C12orf42: variants seen among roughly 807,000 people sequenced by gnomAD.
The protein encoded by C12orf42 is uncharacterized protein C12orf42.
A neutral mutation model predicts 21.6 loss-of-function variants in C12orf42; 25 were observed. The ratio of observed to expected loss-of-function variants is 1.16; its 90% confidence interval spans 0.84 to 1.62. C12orf42 has a LOEUF of 1.62. C12orf42 is among the 40% of genes most tolerant of loss of function. C12orf42 has a pLI of 0.00. For synonymous variants in C12orf42, 174 were observed against 175.0 expected (o/e 0.99, Z 0.05); for missense variants, 483 against 459.3 (o/e 1.05, Z -0.47).
intron 3 of C12orf42, among the ~76,000 whole-genome samples, chr12:103,399,165 A>G (rs1225565250): frequency 6.6e-6 from 1 of 151,766 alleles, no homozygotes; most frequent in Non-Finnish European, 1.5e-5. Flanking sequence ...AATAATTTGG[A>G]GATAATTTTA....
chr12:103,339,759 T>TC (rs1465390294), intron 4 of C12orf42, among the ~76,000 whole-genome samples: 15 of 152,334 alleles, frequency 9.8e-5, no homozygotes, highest in African/African-American at 3.6e-4. Context: ...GAAAATCAAA[T>TC]ACACTTTTGT....
At chr12:103,053,441 T>G in the C12orf42 span, among the ~76,000 whole-genome samples, 1 of 151,978 alleles carries the variant, frequency 6.6e-6, no homozygotes, top group South Asian at 2.1e-4. Context: ...ATTTTAAAAC[T>G]GGATTGTTTT....
intron 4 of C12orf42, among the ~76,000 whole-genome samples, chr12:103,330,131 T>A (rs2137036031): frequency 6.6e-6 from 1 of 152,284 alleles, no homozygotes; most frequent in Middle Eastern, 3.4e-3. Flanking sequence ...TTTTATAATA[T>A]CTTTCTTCAC....
intron 4 of C12orf42, among the ~76,000 whole-genome samples, chr12:103,338,090 G>T (rs1179982797): frequency 6.6e-6 from 1 of 152,136 alleles, no homozygotes; most frequent in Non-Finnish European, 1.5e-5. Context: ...TGGGAAATAG[G>T]TTTCCAATAT....
chr12:103,528,578 CA>C, the C12orf42 span, among the ~76,000 whole-genome samples: 21 of 152,154 alleles, frequency 1.4e-4, no homozygotes, highest in Admixed American at 1.4e-3. Context: ...AGCCAGGCAG[CA>C]ACCCCTCCTC....
At chr12:103,356,237 C>T (rs2137574648) in intron 4 of C12orf42, among the ~76,000 whole-genome samples, 1 of 152,208 alleles carries the variant, frequency 6.6e-6, no homozygotes, top group African/African-American at 2.4e-5. Flanking sequence ...TGCTTATCAC[C>T]TCCTGATGAC....
chr12:103,245,759 C>T (rs1309235798), intron 10 of C12orf42, among the ~76,000 whole-genome samples: 1 of 152,050 alleles, frequency 6.6e-6, no homozygotes, highest in Non-Finnish European at 1.5e-5. Flanking sequence ...CATTACTTTG[C>T]CCCAAATCAG....
chr12:103,229,015 T>C, the C12orf42 span, among the ~76,000 whole-genome samples: 2 of 152,170 alleles, frequency 1.3e-5, no homozygotes, highest in Non-Finnish European at 1.5e-5. Context: ...GATTTCTTTA[T>C]TCAGTCATTC....
At chr12:103,135,821 A>C in the C12orf42 span, among the ~76,000 whole-genome samples, 1 of 152,248 alleles carries the variant, frequency 6.6e-6, no homozygotes, top group African/African-American at 2.4e-5. Context: ...TGGTTATTGC[A>C]ACAGACACAG....
At chr12:103,403,763 C>A (rs1407074968) in intron 2 of C12orf42, among the ~76,000 whole-genome samples, 1 of 152,220 alleles carries the variant, frequency 6.6e-6, no homozygotes, top group Non-Finnish European at 1.5e-5. Context: ...GGACTTCCTG[C>A]CACTCACTCG....
intron 3 of C12orf42, among the ~76,000 whole-genome samples, chr12:103,377,009 C>T (rs951939218): frequency 2.6e-5 from 4 of 151,836 alleles, no homozygotes; most frequent in Non-Finnish European, 4.4e-5. Context: ...TTATGCTGCT[C>T]TTTTTAAAAA....
chr12:103,499,583 C>A (rs1477156700), upstream of C12orf42, among the ~76,000 whole-genome samples: 2 of 152,140 alleles, frequency 1.3e-5, no homozygotes, highest in Non-Finnish European at 2.9e-5. Flanking sequence ...CACTACCATG[C>A]CAAGAATGTG....
chr12:103,224,137 T>A, the C12orf42 span, among the ~76,000 whole-genome samples: 1 of 152,178 alleles, frequency 6.6e-6, no homozygotes, highest in Non-Finnish European at 1.5e-5. Context: ...AGTGAAAGTA[T>A]CTACCTAGAC....
At chr12:103,211,159 ACACCCTCTATTT>A in the C12orf42 span, among the ~76,000 whole-genome samples, 790 of 152,198 alleles carry the variant, frequency 5.2e-3, 2 homozygotes, top group African/African-American at 0.018. Context: ...ATATCCTACA[ACACCCTCTATTT>A]CTAACAGAAG....
chr12:103,257,643 C>G (rs190672022), intron 10 of C12orf42, among the ~76,000 whole-genome samples: 1 of 151,694 alleles, frequency 6.6e-6, no homozygotes, highest in Non-Finnish European at 1.5e-5. Flanking sequence ...TTAAGGGAAA[C>G]AGAAGGCAGA....
chr12:103,383,999 C>G (rs1273480352), intron 3 of C12orf42, among the ~76,000 whole-genome samples: 1 of 152,140 alleles, frequency 6.6e-6, no homozygotes, highest in Non-Finnish European at 1.5e-5. Context: ...CTGTCTCAAG[C>G]CCAGAGCAGT....
intron 1 of C12orf42, among the ~76,000 whole-genome samples, chr12:103,493,328 T>G (rs1358001565): frequency 6.6e-6 from 1 of 152,178 alleles, no homozygotes; most frequent in Non-Finnish European, 1.5e-5. Flanking sequence ...CACATCAGCG[T>G]TGCTTCAGTG....
At chr12:103,227,942 A>G in the C12orf42 span, among the ~76,000 whole-genome samples, 1 of 152,188 alleles carries the variant, frequency 6.6e-6, no homozygotes, top group African/African-American at 2.4e-5. Flanking sequence ...GAAGAGAGTA[A>G]GAAGAGGCCA....
At chr12:103,414,622 G>A (rs2049143606) in intron 2 of C12orf42, among the ~76,000 whole-genome samples, 1 of 152,090 alleles carries the variant, frequency 6.6e-6, no homozygotes, top group Non-Finnish European at 1.5e-5. Context: ...TTAGTTAGCT[G>A]TATTCCTAGG....
Sources: allele counts gnomAD v4.1 joint callset (sites outside exome capture counted in the v4.1 genomes callset), GRCh38; gene constraint gnomAD v4.1.1; transcripts MANE v1.5; gene names NCBI Gene and HGNC (gene_info 2026-07-23, HGNC 2026-07-21).